The following PRH1 variants were observed in gnomAD, a reference collection of about 807,000 sequenced individuals.
PRH1 encodes the protein proline rich protein HaeIII subfamily 1.
PRH1 carries 7 observed loss-of-function variants against 7.9 expected under a neutral mutation model. The observed-to-expected ratio is 0.89, with a 90% CI of 0.50 to 1.67. The LOEUF (loss-of-function observed/expected upper bound fraction) is 1.67, where lower values mean the gene tolerates loss of function less well. Ranked by LOEUF, PRH1 falls within the 40% of genes most tolerant of loss-of-function variation. The probability of loss-of-function intolerance (pLI) is 0.00; values close to 1 mark genes in which losing one functional copy is unlikely to be tolerated. For missense variants in PRH1, 109 were observed against 223.6 expected (o/e 0.49, Z 3.27); for synonymous variants, 45 against 80.8 (o/e 0.56, Z 2.38).
At chr12:10,953,607 A>G (rs1937797352) in intron 2 of PRH1, among the ~76,000 whole-genome samples, 1 of 152,194 alleles carries the variant, frequency 6.6e-6, no homozygotes, top group South Asian at 2.1e-4. Flanking sequence ...GAAATATAAT[A>G]TTTTGTTAAC....
intron 2 of PRH1, among the ~76,000 whole-genome samples, chr12:10,893,222 AGT>A (rs1949600671): frequency 6.6e-6 from 1 of 150,598 alleles, no homozygotes; most frequent in Non-Finnish European, 1.5e-5. Flanking sequence ...TAAAATACAG[AGT>A]GTGTCAGTTC....
intron 1 of PRH1, among the ~76,000 whole-genome samples, chr12:11,033,565 T>C (rs1257518964): frequency 1.3e-5 from 2 of 151,678 alleles, no homozygotes; most frequent in Non-Finnish European, 1.5e-5. Flanking sequence ...AAAGAAAAAA[T>C]AGATGGGGAA....
intron 3 of PRH1, among the ~76,000 whole-genome samples, chr12:10,881,484 T>C (rs1949399719): frequency 6.6e-6 from 1 of 152,166 alleles, no homozygotes; most frequent in African/African-American, 2.4e-5. Flanking sequence ...CAATAAACAC[T>C]GAAGAGATCT....
intron 2 of PRH1, among the ~76,000 whole-genome samples, chr12:10,941,499 T>C (rs1391155330): frequency 6.6e-6 from 1 of 151,968 alleles, no homozygotes; most frequent in Non-Finnish European, 1.5e-5. Context: ...TTTTTATGCA[T>C]CAAAATTTAT....
intron 1 of PRH1, among the ~76,000 whole-genome samples, chr12:11,076,244 A>G (rs1287191906): frequency 6.9e-6 from 1 of 145,470 alleles, no homozygotes; most frequent in Non-Finnish European, 1.5e-5. Context: ...TGGATACATC[A>G]ACACACTTTG....
rs1201004574 is a variant in PRH1, at chr12:11,077,687, T to G, written n.124-30499A>C. 22 of 1,114,798 alleles carry G rather than the reference T, an allele frequency of 2.0e-5. No homozygotes were observed. The African/African-American group carries it at 4.6e-4, about 23-fold the overall frequency. 69.1% of individuals were successfully genotyped at this position (1,114,798 alleles called of 1,614,324 possible). On this transcript the variant is annotated intron_variant and non_coding_transcript_variant, in intron 1 of 4. Transcript: ENST00000541977. ...CATATTAGGGTCAGAATGAAGGGTA[T>G]GAGGTTTGCTAGTGTGCTTACAGTC...
chr12:11,132,719 T>A (rs1176016805), intron 1 of PRH1, among the ~76,000 whole-genome samples: 1 of 152,040 alleles, frequency 6.6e-6, no homozygotes, highest in African/African-American at 2.4e-5. Flanking sequence ...AATTTTATTG[T>A]GTTCATTGTT....
At chr12:10,912,885 AGTGTTTC>A (rs1286703043) in intron 2 of PRH1, among the ~76,000 whole-genome samples, 3 of 152,146 alleles carry the variant, frequency 2.0e-5, no homozygotes, top group Admixed American at 6.5e-5. Flanking sequence ...TTTGGGGTGC[AGTGTTTC>A]ATACATCCAC....
intron 1 of PRH1, chr12:10,997,999 T>C: frequency 1.6e-6 from 1 of 633,038 alleles, no homozygotes; most frequent in Non-Finnish European, 2.6e-6. Context: ...TTCTTTATAC[T>C]TTTAAATTCT....
chr12:11,045,131 A>G (rs1165400137), intron 1 of PRH1, among the ~76,000 whole-genome samples: 1 of 152,186 alleles, frequency 6.6e-6, no homozygotes, highest in African/African-American at 2.4e-5. Flanking sequence ...AGCCATTAAA[A>G]AATGAGATCC....
Position 10,989,446 on chromosome 12 carries a change from G to C in PRH1, c.-125-15725C>G, listed in dbSNP as rs143463585. On this transcript the variant is annotated intron_variant, in intron 1 of 3. Coordinates refer to the PRH1 transcript ENST00000539853. ...TATATCATTTGATTCATTTCCTTTG[G>C]ATATATACATAGAAAGATAATTACA... Among the ~76,000 whole-genome samples, 1,345 of 151,964 alleles carry C rather than the reference G, an allele frequency of 8.9e-3. 9 individuals carry two copies. Among genetic ancestry groups the C allele is most frequent in the South Asian group, 0.015 (74 of 4,798 alleles).
intron 1 of PRH1, chr12:11,091,928 G>T: frequency 8.4e-7 from 1 of 1,187,558 alleles, no homozygotes. Flanking sequence ...TATGCTGAGG[G>T]TAGTAGCAAG....
At chr12:11,067,662 G>A (rs546100069) in intron 1 of PRH1, among the ~76,000 whole-genome samples, 21 of 152,288 alleles carry the variant, frequency 1.4e-4, no homozygotes, top group African/African-American at 5.1e-4. Context: ...AGGAGTTCAA[G>A]TCCAGCCTGG....
intron 1 of PRH1, among the ~76,000 whole-genome samples, chr12:11,058,743 G>A (rs1041211542): frequency 6.9e-6 from 1 of 144,946 alleles, no homozygotes; most frequent in Non-Finnish European, 1.5e-5. Context: ...AAGCCTGTGG[G>A]AGAGGGGAGA....
At chr12:10,934,275 T>G (rs1665077716) in intron 2 of PRH1, among the ~76,000 whole-genome samples, 2 of 152,274 alleles carry the variant, frequency 1.3e-5, no homozygotes, top group South Asian at 2.1e-4. Flanking sequence ...GCTCTGGCTT[T>G]CTTTCTGCTC....
chr12:11,067,632 C>T (rs7956991), intron 1 of PRH1, among the ~76,000 whole-genome samples: 5,221 of 152,196 alleles, frequency 0.034, 297 homozygotes, highest in African/African-American at 0.12. Context: ...AAGGCTGAGG[C>T]AGTTGGATTG....
rs192719464 is a variant in PRH1 at position 11,127,829 on chromosome 12, G to A, written n.40-6649C>T. On this transcript the variant is annotated intron_variant and non_coding_transcript_variant, in intron 1 of 1. Transcript: ENST00000541175. ...ATTAAAATACTCAACTATTTTGGCC[G>A]GACACGGTGGCTCACGCCTGTAATC... Among the ~76,000 whole-genome samples, 104 of 115,578 alleles carry A rather than the reference G, an allele frequency of 9.0e-4. No individual in the cohort carries two copies. The East Asian group carries it at 0.024, about 27-fold the overall frequency. 75.8% of individuals were successfully genotyped at this position (115,578 alleles called of 152,430 possible).
chr12:10,909,738 T>C (rs1196946918), intron 2 of PRH1, among the ~76,000 whole-genome samples: 1 of 152,228 alleles, frequency 6.6e-6, no homozygotes, highest in Non-Finnish European at 1.5e-5. Flanking sequence ...TCATAGAATA[T>C]GTAGCTAAAT....
intron 2 of PRH1, among the ~76,000 whole-genome samples, chr12:10,906,383 T>A (rs1949803500): frequency 1.3e-5 from 2 of 152,256 alleles, no homozygotes; most frequent in South Asian, 4.1e-4. Context: ...CATTAAAAGT[T>A]TTTAATGTCC....
Sources: allele counts gnomAD v4.1 joint callset (sites outside exome capture counted in the v4.1 genomes callset), GRCh38; gene constraint gnomAD v4.1.1; transcripts MANE v1.5; gene names NCBI Gene and HGNC (gene_info 2026-07-23, HGNC 2026-07-21).